ROBO1: variants seen among roughly 807,000 people sequenced by gnomAD.
ROBO1 encodes roundabout homolog 1.
ROBO1 carries 149 observed loss-of-function variants against 195.9 expected under a neutral mutation model. The ratio of observed to expected loss-of-function variants is 0.76; its 90% confidence interval spans 0.67 to 0.87. ROBO1 has a LOEUF of 0.87. ROBO1 is among the 40% of genes least tolerant of loss of function. ROBO1 has a pLI of 0.00. For synonymous variants in ROBO1, 816 were observed against 733.2 expected (o/e 1.11, Z -1.82); for missense variants, 1,933 against 2,068.3 (o/e 0.93, Z 1.27).
chr3:79,708,929 G>GT (rs889398982), intron 1 of ROBO1, among the ~76,000 whole-genome samples: 2 of 151,928 alleles, frequency 1.3e-5, no homozygotes, highest in African/African-American at 2.4e-5. Context: ...AACTCATGGG[G>GT]TTTTTTGTAT....
At chr3:79,645,810 T>C (rs1399170021) in intron 1 of ROBO1, among the ~76,000 whole-genome samples, 1 of 152,020 alleles carries the variant, frequency 6.6e-6, no homozygotes, top group East Asian at 1.9e-4. Context: ...AACATAGATA[T>C]AAATCCACAA....
intron 29 of ROBO1, among the ~76,000 whole-genome samples, chr3:78,605,158 C>T (rs890822640): frequency 6.6e-6 from 1 of 152,188 alleles, no homozygotes; most frequent in African/African-American, 2.4e-5. Context: ...TTACATTCAA[C>T]TTTCACCACT....
chr3:79,515,313 A>G (rs1331756440), intron 2 of ROBO1, among the ~76,000 whole-genome samples: 1 of 152,248 alleles, frequency 6.6e-6, no homozygotes, highest in Non-Finnish European at 1.5e-5. Flanking sequence ...TTGCCTGCAC[A>G]TGGCAGATAT....
At chr3:78,959,827 A>C (rs1415913033) in intron 3 of ROBO1, among the ~76,000 whole-genome samples, 1 of 152,174 alleles carries the variant, frequency 6.6e-6, no homozygotes, top group Non-Finnish European at 1.5e-5. Flanking sequence ...AGATAGCACA[A>C]CATTTCAGCA....
chr3:79,649,883 T>C (rs1945949261), intron 1 of ROBO1, among the ~76,000 whole-genome samples: 1 of 152,062 alleles, frequency 6.6e-6, no homozygotes, highest in Admixed American at 6.6e-5. Flanking sequence ...TGTCTACCTG[T>C]CTATCCATCT....
chr3:78,598,882 A>G lies in ROBO1; in HGVS notation c.*31T>C, dbSNP rs191046760. The G allele has an allele frequency of 2.3e-5, 35 of 1,500,446 alleles. No homozygotes were observed. In the East Asian group the frequency reaches 7.3e-4, roughly 31 times the overall value. 92.9% of individuals were successfully genotyped at this position (1,500,446 alleles called of 1,614,324 possible). On this transcript the variant is annotated 3_prime_UTR_variant, in exon 31 of 31. Transcript: ENST00000464233. Reference sequence around the variant, plus strand: ...GGAGGCATCTTGAGTGATGATTTTCACATTAGATCTCATAAGCCTCTTGGT... The same window carrying G: ...GGAGGCATCTTGAGTGATGATTTTCGCATTAGATCTCATAAGCCTCTTGGT...
At chr3:79,511,024 A>C (rs1436634204) in intron 2 of ROBO1, among the ~76,000 whole-genome samples, 1 of 152,118 alleles carries the variant, frequency 6.6e-6, no homozygotes, top group Non-Finnish European at 1.5e-5. Flanking sequence ...TAATTTCACA[A>C]ATTTGTGTTA....
chr3:78,937,181 A>G (rs939980547), intron 4 of ROBO1, among the ~76,000 whole-genome samples: 5 of 152,134 alleles, frequency 3.3e-5, no homozygotes, highest in Admixed American at 2.0e-4. Context: ...AGTCATTTAC[A>G]TTCTCTAGGG....
chr3:79,467,405 G>A (rs1938021179), intron 2 of ROBO1, among the ~76,000 whole-genome samples: 1 of 151,222 alleles, frequency 6.6e-6, no homozygotes, highest in Non-Finnish European at 1.5e-5. Context: ...ATTGTCCTTT[G>A]GCCCTCCACA....
intron 2 of ROBO1, among the ~76,000 whole-genome samples, chr3:79,350,009 C>T (rs532967510): frequency 2.6e-5 from 4 of 152,090 alleles, no homozygotes; most frequent in African/African-American, 7.2e-5. Context: ...ACACAACCCA[C>T]GGAATGGGAG....
chr3:79,623,039 C>A (rs1945057657), intron 1 of ROBO1, among the ~76,000 whole-genome samples: 1 of 152,064 alleles, frequency 6.6e-6, no homozygotes, highest in African/African-American at 2.4e-5. Flanking sequence ...ATGAATGGGG[C>A]CTGACGTGAA....
chr3:78,945,967 G>GA (rs1197763530), intron 3 of ROBO1, among the ~76,000 whole-genome samples: 545 of 140,828 alleles, frequency 3.9e-3, no homozygotes, highest in African/African-American at 7.8e-3. Flanking sequence ...GAAGTTTAGA[G>GA]AAAAAAAAAA....
chr3:79,311,008 A>C (rs1251518482), intron 2 of ROBO1, among the ~76,000 whole-genome samples: 2 of 151,956 alleles, frequency 1.3e-5, no homozygotes, highest in Non-Finnish European at 2.9e-5. Context: ...ATCAGTATTG[A>C]TTTTCTTTTT....
chr3:78,709,595 A>G (rs961160385), intron 8 of ROBO1, among the ~76,000 whole-genome samples: 11 of 152,222 alleles, frequency 7.2e-5, no homozygotes, highest in African/African-American at 2.7e-4. Flanking sequence ...AAGTAATCCC[A>G]TGAATGTTAC....
intron 2 of ROBO1, among the ~76,000 whole-genome samples, chr3:79,216,035 C>T (rs1222302091): frequency 3.9e-5 from 6 of 152,050 alleles, no homozygotes; most frequent in African/African-American, 9.7e-5. Context: ...ATTATTTTCT[C>T]TTATCCTATA....
In ROBO1 at chr3:79,593,989, T is replaced by C. The variant is rs116796447; in HGVS notation, c.-50-4028A>G. Among the ~76,000 whole-genome samples the C allele has an allele frequency of 2.2e-3, 329 of 152,154 alleles. 1 individual carries two copies. The highest frequency in any genetic ancestry group is 3.3e-3 in the Admixed American group (51 of 15,252). ...TCAGATATGTCTTTCACAAATATTT[T>C]CTTCCAGTGTGTGGCTTGTCTTATT... On this transcript the variant is annotated intron_variant, in intron 1 of 30. Transcript: ENST00000464233.
chr3:79,732,140 T>C (rs937243621), intron 1 of ROBO1, among the ~76,000 whole-genome samples: 1 of 151,952 alleles, frequency 6.6e-6, no homozygotes, highest in Non-Finnish European at 1.5e-5. Flanking sequence ...ATAATTATAA[T>C]GCATTCATAA....
intron 1 of ROBO1, among the ~76,000 whole-genome samples, chr3:79,655,845 C>T (rs1946141831): frequency 6.6e-6 from 1 of 151,958 alleles, no homozygotes; most frequent in Admixed American, 6.6e-5. Context: ...TTCTAGTTGT[C>T]CTTTCAGCTG....
chr3:79,382,531 G>T (rs1266989244), intron 2 of ROBO1, among the ~76,000 whole-genome samples: 1 of 152,044 alleles, frequency 6.6e-6, no homozygotes, highest in African/African-American at 2.4e-5. Context: ...TAATTTTCTG[G>T]TGATATAATC....
Sources: allele counts gnomAD v4.1 joint callset (sites outside exome capture counted in the v4.1 genomes callset), GRCh38; gene constraint gnomAD v4.1.1; transcripts MANE v1.5; gene names NCBI Gene and HGNC (gene_info 2026-07-23, HGNC 2026-07-21).